The following EPHB1 variants were observed in gnomAD, a reference collection of about 807,000 sequenced individuals.
The protein encoded by EPHB1 is EPH receptor B1, also known as ephrin type-B receptor 1.
Under a neutral mutation model 94.4 loss-of-function variants are expected in EPHB1, and 30 were observed. The observed-to-expected ratio is 0.32, with a 90% CI of 0.24 to 0.43. The LOEUF (loss-of-function observed/expected upper bound fraction) is 0.43, where lower values mean the gene tolerates loss of function less well. EPHB1 is among the 20% of genes least tolerant of loss of function. The pLI, the probability that EPHB1 is intolerant of heterozygous loss-of-function variation, is 1.00. For synonymous variants in EPHB1, 522 were observed against 489.1 expected, an observed-to-expected ratio of 1.07 and a Z score of -0.89; for missense variants, 1,055 against 1,308.3, an observed-to-expected ratio of 0.81 and a Z score of 2.99.
At chr3:135,065,978 A>G (rs916317371) in intron 3 of EPHB1, among the ~76,000 whole-genome samples, 7 of 152,222 alleles carry the variant, frequency 4.6e-5, no homozygotes, top group Admixed American at 6.5e-5. Flanking sequence ...ACTGGATACA[A>G]AATTCTTGGG....
At chr3:135,005,920 T>C (rs1354107297) in intron 3 of EPHB1, among the ~76,000 whole-genome samples, 1 of 152,236 alleles carries the variant, frequency 6.6e-6, no homozygotes, top group Non-Finnish European at 1.5e-5. Context: ...ACCTGTCTTC[T>C]GTGTCGCTCA....
At chr3:135,062,472 T>C (rs766602414) in intron 3 of EPHB1, among the ~76,000 whole-genome samples, 1 of 152,232 alleles carries the variant, frequency 6.6e-6, no homozygotes, top group Non-Finnish European at 1.5e-5. Context: ...ATATGTTTAT[T>C]GGCCATTTGT....
At position 135,190,274 on chromosome 3, in the gene EPHB1, A is replaced by G. The variant is rs562234438; in HGVS notation, c.1883-2302A>G. The stretch of plus-strand genomic sequence containing the variant: ...CCTGGCACATAGTAGGTGGTTAATA[A>G]ATACACATTTGTGTGCTGTCTCCTC... On this transcript the variant is annotated intron_variant, in intron 10 of 15. Transcript: ENST00000398015. Among the ~76,000 whole-genome samples, 3 of 152,358 alleles carry G rather than the reference A, an allele frequency of 2.0e-5. 1 individual carries two copies. Among genetic ancestry groups the G allele is most frequent in the African/African-American group, 7.2e-5 (3 of 41,582 alleles).
At chr3:135,140,848 G>A (rs1940798913) in intron 5 of EPHB1, among the ~76,000 whole-genome samples, 1 of 152,188 alleles carries the variant, frequency 6.6e-6, no homozygotes, top group Admixed American at 6.5e-5. Flanking sequence ...AAACAGGCAG[G>A]AGCACCAGGG....
intron 3 of EPHB1, among the ~76,000 whole-genome samples, chr3:135,099,581 T>C (rs1938956157): frequency 6.6e-6 from 1 of 152,220 alleles, no homozygotes; most frequent in Admixed American, 6.5e-5. Flanking sequence ...CACTTCCTTC[T>C]AGGGAGTTTC....
rs2037769183 is a variant in EPHB1, at chr3:134,882,765, C to CCTTTCTTTTTTCTTT, written c.59-43043_59-43042insTTTCTTTCTTTCTTT. 7.5e-5 allele frequency among the ~76,000 whole-genome samples: 6 copies of CCTTTCTTTTTTCTTT among 79,882 alleles called. 1 individual carries two copies. Among genetic ancestry groups the CCTTTCTTTTTTCTTT allele is most frequent in the African/African-American group, 1.8e-4 (4 of 22,248 alleles). The allele number at this position is 79,882 out of a possible 152,430, so 52.4% of individuals were successfully genotyped here. A position where few individuals can be genotyped will look rare whatever the true frequency, so the allele number is the denominator to read the frequency against. ...TTCTTTCTTCCTTTCTTCCTTCCTT[C>CCTTTCTTTTTTCTTT]CTTTCTTTCTTTCTTTCTTTCTTTC... is the stretch of plus-strand genomic sequence containing the variant. On this transcript the variant is annotated intron_variant, in intron 1 of 15. Transcript: ENST00000398015.
Position 135,154,172 on chromosome 3 carries a change from A to G in EPHB1, c.1318A>G (p.Met440Val). The G allele has an allele frequency of 6.2e-7, 1 of 1,613,938 alleles. No individual in the cohort carries two copies. The highest frequency in any genetic ancestry group is 1.3e-5 in the African/African-American group (1 of 75,028). ...CACAGCCCCCTCCACCGTTCCCATC[A>G]TGCACCAAGTCAGTGCCACTATGAG... Reference protein sequence around the residue: ...NQAAPSTVPIMHQVSATMRSI... With the variant: ...NQAAPSTVPIVHQVSATMRSI... The change falls in exon 6 of 16, where the codon ATG becomes GTG. Residue 440 changes from methionine to valine, a missense_variant. By Grantham distance (21) the Met-to-Val change is conservative. Coordinates refer to ENST00000398015, the MANE Select transcript of EPHB1 (RefSeq NM_004441.5).
chr3:134,836,818 T>C (rs973988755), intron 1 of EPHB1, among the ~76,000 whole-genome samples: 3 of 152,248 alleles, frequency 2.0e-5, no homozygotes, highest in Non-Finnish European at 2.9e-5. Context: ...GTTAATTCAT[T>C]GACCGGAAAA....
chr3:134,837,099 T>G (rs1461301535), intron 1 of EPHB1, among the ~76,000 whole-genome samples: 11 of 152,256 alleles, frequency 7.2e-5, no homozygotes. Flanking sequence ...TAGTCATTCA[T>G]GCGGTTGGCT....
intron 3 of EPHB1, among the ~76,000 whole-genome samples, chr3:135,014,268 C>G (rs984909705): frequency 6.6e-6 from 1 of 152,172 alleles, no homozygotes; most frequent in Non-Finnish European, 1.5e-5. Context: ...TGGGCAGGGA[C>G]AGAAGCGCCA....
At chr3:135,043,836 T>G (rs1936922708) in intron 3 of EPHB1, among the ~76,000 whole-genome samples, 1 of 152,176 alleles carries the variant, frequency 6.6e-6, no homozygotes, top group African/African-American at 2.4e-5. Context: ...GACCTGCCTA[T>G]TCCCTGAAGC....
intron 1 of EPHB1, among the ~76,000 whole-genome samples, chr3:134,805,953 TG>T (rs1224299435): frequency 5.3e-5 from 8 of 152,284 alleles, no homozygotes; most frequent in African/African-American, 1.9e-4. Context: ...CGTGAGCCTC[TG>T]AAGCATGGGT....
At chr3:134,973,658 C>T (rs1303101038) in intron 3 of EPHB1, among the ~76,000 whole-genome samples, 1 of 152,076 alleles carries the variant, frequency 6.6e-6, no homozygotes, top group Non-Finnish European at 1.5e-5. Context: ...TCTCGAACTC[C>T]TGACCTCAGG....
chr3:135,198,279 G>A lies in EPHB1; in HGVS notation c.2131-3195G>A, dbSNP rs897217955. Reference sequence around the variant, plus strand: ...TACTGTTATAACTCAAACCCACACCGTGATTTAAGGCTGATCACATACATT... The same window carrying A: ...TACTGTTATAACTCAAACCCACACCATGATTTAAGGCTGATCACATACATT... On this transcript the variant is annotated intron_variant, in intron 11 of 15. Transcript: ENST00000398015. Among the ~76,000 whole-genome samples, 31 of 152,300 alleles carry A rather than the reference G, an allele frequency of 2.0e-4. 1 individual carries two copies. Among genetic ancestry groups the A allele is most frequent in the South Asian group, 1.7e-3 (8 of 4,826 alleles).
chr3:134,953,735 A>G (rs1456548976), intron 3 of EPHB1, among the ~76,000 whole-genome samples: 3 of 152,192 alleles, frequency 2.0e-5, no homozygotes, highest in African/African-American at 2.4e-5. Flanking sequence ...CAGAGCAAGC[A>G]TTGATTGGTT....
chr3:134,935,877 G>A (rs980201458), intron 2 of EPHB1, among the ~76,000 whole-genome samples: 1 of 152,164 alleles, frequency 6.6e-6, no homozygotes, highest in African/African-American at 2.4e-5. Flanking sequence ...CATACCAACT[G>A]TGTGCCAGGC....
intron 3 of EPHB1, among the ~76,000 whole-genome samples, chr3:135,040,458 G>A (rs1936796350): frequency 6.6e-6 from 1 of 152,206 alleles, no homozygotes. Context: ...GGAGGGATGG[G>A]CCATGCAGAG....
intron 12 of EPHB1, among the ~76,000 whole-genome samples, chr3:135,215,581 T>C (rs545746449): frequency 2.0e-5 from 3 of 152,320 alleles, no homozygotes; most frequent in African/African-American, 7.2e-5. Flanking sequence ...AAAGCTGATA[T>C]TCGCGAAGGA....
At chr3:135,135,215 G>A (rs1940574969) in intron 5 of EPHB1, among the ~76,000 whole-genome samples, 1 of 152,108 alleles carries the variant, frequency 6.6e-6, no homozygotes, top group African/African-American at 2.4e-5. Context: ...TACACTCGCT[G>A]AGAGAAGGAT....
Sources: gnomAD v4.1 joint callset for allele counts (sites outside exome capture counted in the v4.1 genomes callset) on GRCh38, gnomAD v4.1.1 for gene constraint, MANE v1.5 for transcripts, NCBI Gene and HGNC (gene_info 2026-07-23, HGNC 2026-07-21) for gene names.